FOXP1: variants seen among roughly 807,000 people sequenced by gnomAD.
FOXP1 encodes forkhead box protein P1.
FOXP1 carries 15 observed loss-of-function variants against 98.2 expected under a neutral mutation model. The ratio of observed to expected loss-of-function variants is 0.15; its 90% CI spans 0.10 to 0.24. The LOEUF (loss-of-function observed/expected upper bound fraction) is 0.24, where lower values mean the gene tolerates loss of function less well. Among genes scored for constraint, FOXP1 ranks in the 10% least tolerant of loss-of-function variants. The pLI, the probability that FOXP1 is intolerant of heterozygous loss-of-function variation, is 1.00. For synonymous variants in FOXP1, 371 were observed against 314.5 expected, an observed-to-expected ratio of 1.18 and a Z score of -1.90; for missense variants, 633 against 848.5, an observed-to-expected ratio of 0.75 and a Z score of 3.15.
intron 3 of FOXP1, among the ~76,000 whole-genome samples, chr3:71,405,234 T>G (rs1221750017): frequency 2.0e-5 from 3 of 152,320 alleles, no homozygotes; most frequent in African/African-American, 7.2e-5. Flanking sequence ...CCTTTTCTGA[T>G]GCCTGCCATC....
At chr3:71,582,543 G>T in intron 1 of FOXP1, 4 of 985,448 alleles carry the variant, frequency 4.1e-6, no homozygotes, top group Non-Finnish European at 4.8e-6. Context: ...CCGGAGGGAC[G>T]AGGCGACACG....
At chr3:71,409,235 A>T (rs1451380262) in intron 3 of FOXP1, among the ~76,000 whole-genome samples, 1 of 152,088 alleles carries the variant, frequency 6.6e-6, no homozygotes, top group African/African-American at 2.4e-5. Flanking sequence ...CCATTTCTTT[A>T]TCCTGATTTA....
At chr3:71,125,064 G>A (rs773975986) in intron 6 of FOXP1, among the ~76,000 whole-genome samples, 7 of 152,162 alleles carry the variant, frequency 4.6e-5, no homozygotes, top group Non-Finnish European at 8.8e-5. Context: ...AAATGTACTT[G>A]AGCAACTATG....
At chr3:71,343,554 AT>A (rs10658352) in intron 4 of FOXP1, among the ~76,000 whole-genome samples, 24 of 116,394 alleles carry the variant, frequency 2.1e-4, no homozygotes, top group African/African-American at 6.9e-4. Context: ...TCTCAATTAG[AT>A]TTTTTTTTTT....
chr3:71,326,478 T>C (rs2075698442), intron 4 of FOXP1, among the ~76,000 whole-genome samples: 2 of 152,192 alleles, frequency 1.3e-5, no homozygotes. Context: ...TTGAATTTCA[T>C]GCTTATTCTG....
At chr3:71,283,286 C>T (rs924785087) in intron 5 of FOXP1, among the ~76,000 whole-genome samples, 3 of 152,122 alleles carry the variant, frequency 2.0e-5, no homozygotes, top group African/African-American at 4.8e-5. Context: ...CAGTGTACTC[C>T]GGAGCCCCAC....
At chr3:70,994,852 C>A (rs2041140426) in intron 13 of FOXP1, among the ~76,000 whole-genome samples, 1 of 152,082 alleles carries the variant, frequency 6.6e-6, no homozygotes, top group Non-Finnish European at 1.5e-5. Context: ...TGAACCTGCC[C>A]CGATGACACA....
chr3:71,122,736 T>C (rs1044616150), intron 6 of FOXP1, among the ~76,000 whole-genome samples: 21 of 152,290 alleles, frequency 1.4e-4, no homozygotes, highest in African/African-American at 4.8e-4. Context: ...CAGAGACAGA[T>C]TGTCAAGTTC....
intron 4 of FOXP1, among the ~76,000 whole-genome samples, chr3:71,349,122 A>T (rs1359368216): frequency 6.6e-6 from 1 of 152,270 alleles, no homozygotes; most frequent in Non-Finnish European, 1.5e-5. Flanking sequence ...GCTTAAATAA[A>T]AATGCAATGC....
intron 3 of FOXP1, among the ~76,000 whole-genome samples, chr3:71,422,493 G>T (rs1382518133): frequency 1.3e-5 from 2 of 152,176 alleles, no homozygotes; most frequent in African/African-American, 4.8e-5. Context: ...TGAGGGCATG[G>T]GGTCCCTCCC....
chr3:71,372,820 G>A (rs562765263), intron 3 of FOXP1, among the ~76,000 whole-genome samples: 1 of 152,214 alleles, frequency 6.6e-6, no homozygotes, highest in African/African-American at 2.4e-5. Context: ...TTACAGAAAT[G>A]ATGAATCTAG....
intron 1 of FOXP1, chr3:71,582,821 G>T: frequency 1.0e-6 from 1 of 983,930 alleles, no homozygotes; most frequent in Non-Finnish European, 1.2e-6. Flanking sequence ...GCTCCGAGGG[G>T]GTGGCGGGAG....
intron 3 of FOXP1, among the ~76,000 whole-genome samples, chr3:71,403,029 C>G (rs2082048784): frequency 1.3e-5 from 2 of 152,214 alleles, no homozygotes; most frequent in South Asian, 4.1e-4. Flanking sequence ...CAAGCACCCT[C>G]TTCGTCAGAT....
At chr3:71,298,952 C>T (rs1314285951) in intron 5 of FOXP1, among the ~76,000 whole-genome samples, 2 of 152,020 alleles carry the variant, frequency 1.3e-5, no homozygotes, top group Non-Finnish European at 2.9e-5. Context: ...TAGACAGACA[C>T]AAATCTACTA....
chr3:71,331,371 C>A lies in FOXP1; in HGVS notation c.-73+27779G>T, dbSNP rs368546772. 2.0e-3 allele frequency among the ~76,000 whole-genome samples: 304 copies of A among 152,080 alleles called. 5 individuals carry two copies. The highest frequency in any genetic ancestry group is 2.1e-3 in the East Asian group (11 of 5,158). ...CAGCCTTCCATGCCTGAGCCTCCCCCCTCCCCACCCCCCGCCATGGGCTCC... is the reference window on the plus strand; with the variant it reads ...CAGCCTTCCATGCCTGAGCCTCCCCACTCCCCACCCCCCGCCATGGGCTCC... On this transcript the variant is annotated intron_variant, in intron 4 of 20. Coordinates refer to ENST00000649528, the MANE Select transcript of FOXP1 (RefSeq NM_001349338.3).
rs2087146798 is a variant in FOXP1 at position 71,453,442 on chromosome 3, A to G, written c.-168+39984T>C. On this transcript the variant is annotated intron_variant, in intron 3 of 20. Coordinates refer to ENST00000649528, the MANE Select transcript of FOXP1 (RefSeq NM_001349338.3). Reference sequence around the variant, plus strand: ...AGACCTGGTTACCTTGGCTATCCTAACAGCCAAAGCAGATTTGCAGTGTGA... The same window carrying G: ...AGACCTGGTTACCTTGGCTATCCTAGCAGCCAAAGCAGATTTGCAGTGTGA... 2.0e-5 allele frequency among the ~76,000 whole-genome samples: 3 copies of G among 152,194 alleles called. No homozygotes were observed. In the South Asian group the frequency reaches 6.2e-4, roughly 31 times the overall value.
At chr3:71,144,372 AG>A (rs1354731120) in intron 6 of FOXP1, among the ~76,000 whole-genome samples, 7 of 152,296 alleles carry the variant, frequency 4.6e-5, no homozygotes, top group Non-Finnish European at 7.4e-5. Flanking sequence ...CCAAAGAACC[AG>A]GCAATGAGAG....
At chr3:71,102,300 A>T (rs2057032358) in intron 7 of FOXP1, among the ~76,000 whole-genome samples, 1 of 152,180 alleles carries the variant, frequency 6.6e-6, no homozygotes, top group East Asian at 1.9e-4. Flanking sequence ...CACATAATAA[A>T]TTTTTACAAT....
intron 4 of FOXP1, chr3:71,334,616 CTTA>C: frequency 6.6e-6 from 1 of 152,100 alleles, no homozygotes; most frequent in East Asian, 1.9e-4. Flanking sequence ...GGACTTAAGA[CTTA>C]TTATGCCAGA....
Sources: allele counts gnomAD v4.1 joint callset (sites outside exome capture counted in the v4.1 genomes callset), GRCh38; gene constraint gnomAD v4.1.1; transcripts MANE v1.5; gene names NCBI Gene and HGNC (gene_info 2026-07-23, HGNC 2026-07-21).